Variants in CDK13 observed in about 807,000 individuals in gnomAD.
The protein encoded by CDK13 is cyclin-dependent kinase 13.
Under a neutral mutation model 137.6 loss-of-function variants are expected in CDK13, and 40 were observed. The observed-to-expected ratio is 0.29, with a 90% CI of 0.23 to 0.38. CDK13 has a LOEUF of 0.38. Among genes scored for constraint, CDK13 ranks in the 10% least tolerant of loss-of-function variants. The pLI is 1.00. For missense variants in CDK13, 1,704 were observed against 1,951.8 expected (o/e 0.87, Z 2.39); for synonymous variants, 869 against 760.1 (o/e 1.14, Z -2.36).
chr7:40,020,324 C>T (rs532081071), intron 5 of CDK13, among the ~76,000 whole-genome samples: 5 of 152,256 alleles, frequency 3.3e-5, no homozygotes, highest in South Asian at 4.1e-4. Flanking sequence ...CACCTCCTCC[C>T]GGCAAAGCTC....
At chr7:40,014,171 C>T (rs1423213662) in intron 5 of CDK13, among the ~76,000 whole-genome samples, 1 of 145,694 alleles carries the variant, frequency 6.9e-6, no homozygotes, top group African/African-American at 2.6e-5. Context: ...CGGGTTCAAG[C>T]GATTTTTCTG....
chr7:40,047,923 T>TC, intron 7 of CDK13, 46 bp downstream of exon 7: 4 of 1,202,302 alleles, frequency 3.3e-6, no homozygotes, highest in Admixed American at 1.7e-5. Context: ...GAGTTTAGTA[T>TC]TAGAAGCTAT....
In CDK13 at chr7:40,097,617, T is replaced by C. The variant is rs1257562506; in HGVS notation, c.*2637T>C. On this transcript the variant is annotated 3_prime_UTR_variant, in exon 14 of 14. Coordinates refer to ENST00000181839, the MANE Select transcript of CDK13 (RefSeq NM_003718.5). ...TTGGAAAAAAGCAGGTAAGTCAGAC[T>C]GCAAGTTAAGAAGACAAAAATATAA... is the stretch of plus-strand genomic sequence containing the variant. 1 of 152,086 alleles carries C rather than the reference T, an allele frequency of 6.6e-6. No individual in the cohort carries two copies. Among genetic ancestry groups the C allele is most frequent in the Admixed American group, 6.6e-5 (1 of 15,264 alleles). 9.4% of individuals were successfully genotyped at this position (152,086 alleles called of 1,614,324 possible). A position where few individuals can be genotyped will look rare whatever the true frequency, so the allele number is the denominator to read the frequency against.
At chr7:40,009,500 A>G (rs1784854396) in intron 5 of CDK13, among the ~76,000 whole-genome samples, 1 of 152,242 alleles carries the variant, frequency 6.6e-6, no homozygotes, top group South Asian at 2.1e-4. Context: ...AGTCTTACAT[A>G]ATGAGCAGCT....
intron 5 of CDK13, among the ~76,000 whole-genome samples, chr7:40,003,194 ACACACACACACACTCTCTCT>A (rs1481267389): frequency 3.0e-5 from 3 of 101,276 alleles, no homozygotes; most frequent in Non-Finnish European, 6.4e-5. Context: ...ACACACACAC[ACACACACACACACTCTCTCT>A]CTCTCTCTCT....
chr7:40,030,078 C>T (rs1341342139), intron 5 of CDK13, among the ~76,000 whole-genome samples: 11 of 152,140 alleles, frequency 7.2e-5, no homozygotes, highest in African/African-American at 1.4e-4. Context: ...CCATGTTTAG[C>T]GGTCTCAAAA....
chr7:40,017,713 T>C (rs946372691), intron 5 of CDK13, among the ~76,000 whole-genome samples: 5 of 151,978 alleles, frequency 3.3e-5, no homozygotes, highest in African/African-American at 1.2e-4. Context: ...TCTTTAAATA[T>C]GGTCACATCT....
intron 1 of CDK13, 89 bp downstream of exon 1, chr7:39,951,941 C>A: frequency 8.0e-7 from 1 of 1,252,770 alleles, no homozygotes; most frequent in Non-Finnish European, 1.0e-6. Context: ...GTCCTCAGAA[C>A]GACTCAGGTC....
chr7:40,019,659 A>T (rs1401773838), intron 5 of CDK13, among the ~76,000 whole-genome samples: 2 of 152,194 alleles, frequency 1.3e-5, no homozygotes, highest in African/African-American at 4.8e-5. Flanking sequence ...AGCAACATGT[A>T]GGCTGGTTTT....
rs1786504318 is a variant in CDK13, at chr7:40,074,742, G to C, written c.2781-3263G>C. Among the ~76,000 whole-genome samples the C allele has an allele frequency of 2.0e-5, 3 of 151,354 alleles. No individual in the cohort carries two copies. The South Asian group carries it at 6.2e-4, about 31-fold the overall frequency. On this transcript the variant is annotated intron_variant, in intron 9 of 13. Coordinates refer to ENST00000181839, the MANE Select transcript of CDK13 (RefSeq NM_003718.5). ...AAGCTGAGGCAGGAGGATCATTTGA[G>C]ACCGGGAGGTCGAGGCTTCAGGGAG...
chr7:40,088,078 T>C, intron 11 of CDK13, 48 bp from the exon 12 acceptor site: 2 of 1,535,994 alleles, frequency 1.3e-6, no homozygotes, highest in Non-Finnish European at 1.8e-6. Context: ...CTGTAGCATT[T>C]TTTGTTAAGA....
At chr7:39,975,653 T>C (rs966862164) in intron 1 of CDK13, among the ~76,000 whole-genome samples, 9 of 152,152 alleles carry the variant, frequency 5.9e-5, no homozygotes, top group African/African-American at 9.7e-5. Flanking sequence ...GAGCCCGCCA[T>C]GTGATGATCT....
chr7:40,031,599 T>C lies in CDK13; in HGVS notation c.2354-14237T>C, dbSNP rs555588200. ...CATTGGTATATCATCTTTGGTGAGA[T>C]GTCTGTTCAAATGTTTTGCCTTCTT... On this transcript the variant is annotated intron_variant, in intron 5 of 13. Transcript: ENST00000181839. 2.6e-5 allele frequency among the ~76,000 whole-genome samples: 4 copies of C among 152,234 alleles called. No individual in the cohort carries two copies. In the East Asian group the frequency reaches 5.8e-4, roughly 22 times the overall value.
intron 5 of CDK13, among the ~76,000 whole-genome samples, chr7:40,032,161 G>A (rs1401631626): frequency 3.3e-5 from 5 of 151,488 alleles, no homozygotes; most frequent in African/African-American, 9.7e-5. Flanking sequence ...GGCTCAAGCC[G>A]TCTTCCCACC....
intron 5 of CDK13, among the ~76,000 whole-genome samples, chr7:40,028,651 T>C (rs1036748433): frequency 3.9e-5 from 6 of 152,198 alleles, no homozygotes; most frequent in African/African-American, 7.2e-5. Flanking sequence ...CTGAGTCTTA[T>C]TTGCTTTGCC....
intron 7 of CDK13, among the ~76,000 whole-genome samples, chr7:40,053,252 C>G (rs2150521164): frequency 6.6e-6 from 1 of 152,270 alleles, no homozygotes; most frequent in Middle Eastern, 3.4e-3. Context: ...TATTGGAAAT[C>G]TCTACCCAGG....
At chr7:40,012,823 A>G (rs967836192) in intron 5 of CDK13, among the ~76,000 whole-genome samples, 6 of 151,760 alleles carry the variant, frequency 4.0e-5, no homozygotes, top group African/African-American at 1.5e-4. Flanking sequence ...GAGGCAGGAT[A>G]ATTACTTGAA....
At chr7:40,073,133 A>C (rs1786459421) in intron 9 of CDK13, 1 of 152,172 alleles carries the variant, frequency 6.6e-6, no homozygotes, top group Admixed American at 6.5e-5. Flanking sequence ...TCAGAAAATA[A>C]AGTTACCCAA....
At chr7:40,038,020 T>G (rs564460132) in intron 5 of CDK13, among the ~76,000 whole-genome samples, 21 of 152,292 alleles carry the variant, frequency 1.4e-4, no homozygotes, top group African/African-American at 4.6e-4. Context: ...GATTTAATAA[T>G]GTATTTTAAT....
Sources: gnomAD v4.1 joint callset for allele counts (sites outside exome capture counted in the v4.1 genomes callset) on GRCh38, gnomAD v4.1.1 for gene constraint, MANE v1.5 for transcripts, NCBI Gene and HGNC (gene_info 2026-07-23, HGNC 2026-07-21) for gene names.